Variants in ANKRD36 observed in about 807,000 individuals in gnomAD.
ANKRD36 encodes ankyrin repeat domain-containing protein 36A.
Under a neutral mutation model 278.1 loss-of-function variants are expected in ANKRD36, and 179 were observed. That is an observed-to-expected ratio of 0.64 (90% CI 0.57 to 0.73). ANKRD36 has a LOEUF of 0.73. ANKRD36 is among the 30% of genes least tolerant of loss of function. ANKRD36 has a pLI of 0.00. For missense variants in ANKRD36, 1,159 were observed against 1,956.7 expected, an observed-to-expected ratio of 0.59 and a Z score of 7.69; for synonymous variants, 320 against 641.1, an observed-to-expected ratio of 0.50 and a Z score of 7.57.
intron 38 of ANKRD36, among the ~76,000 whole-genome samples, 167 bp from the exon 39 acceptor site, chr2:97,194,559 T>G (rs2059253924): frequency 6.6e-6 from 1 of 151,624 alleles, no homozygotes; most frequent in African/African-American, 2.4e-5. Flanking sequence ...GTTCCCTTTT[T>G]TCAGGGTATT....
At chr2:97,143,092 G>A (rs1054425120) in intron 8 of ANKRD36, among the ~76,000 whole-genome samples, 4 of 151,772 alleles carry the variant, frequency 2.6e-5, no homozygotes, top group Non-Finnish European at 2.9e-5. Context: ...AACAGGCAAA[G>A]GGACAGCATA....
At chr2:97,128,269 T>A (rs7569895) in intron 6 of ANKRD36, among the ~76,000 whole-genome samples, 88,564 of 150,754 alleles carry the variant, frequency 0.59, 30,205 homozygotes, top group Non-Finnish European at 0.78. Flanking sequence ...AATGAGAAGC[T>A]ATCCTGTGAC....
intron 6 of ANKRD36, among the ~76,000 whole-genome samples, chr2:97,130,210 T>C (rs2039725625): frequency 6.6e-6 from 1 of 151,910 alleles, no homozygotes; most frequent in Non-Finnish European, 1.5e-5. Context: ...TGTCCAACAC[T>C]GATAGACTGG....
At chr2:97,195,893 T>A (rs1388533574) in intron 40 of ANKRD36, among the ~76,000 whole-genome samples, 1 of 151,922 alleles carries the variant, frequency 6.6e-6, no homozygotes, top group African/African-American at 2.4e-5. Flanking sequence ...AATTGATAAT[T>A]GATGACATTT....
rs760811355 is a variant in ANKRD36 at position 97,118,426 on chromosome 2, G to C, written c.395G>C (p.Arg132Thr). The change falls in exon 3 of 76, where the codon AGG becomes ACG. Residue 132 changes from arginine to threonine, a missense_variant. Physicochemically the swap from Arg to Thr is moderately conservative, Grantham distance 71. Coordinates refer to ENST00000420699, the MANE Select transcript of ANKRD36 (RefSeq NM_001354587.1). ...ANPNITDFFG[R>T]TALHYAVYNE... ...CCAAATATTACGGATTTCTTTGGAA[G>C]GACTGCTCTGCACTACGCTGTGTAT... is the stretch of plus-strand genomic sequence containing the variant. 6.2e-7 allele frequency: 1 copy of C among 1,607,126 alleles called. No homozygotes were observed. The highest frequency in any genetic ancestry group is 8.5e-7 in the Non-Finnish European group (1 of 1,177,640).
rs1212561002 is a variant in ANKRD36 at position 97,193,060 on chromosome 2, T to C, written c.2449+7T>C. 3.9e-6 allele frequency: 6 copies of C among 1,541,596 alleles called. No homozygotes were observed. Among genetic ancestry groups the C allele is most frequent in the East Asian group, 2.4e-5 (1 of 41,058 alleles). ...GGAGAAAAATCTAGGACAGGTAATT[T>C]TGAAAAGAGATTTAATGTCATGTTC... is the stretch of plus-strand genomic sequence containing the variant. On this transcript the variant is annotated splice_region_variant and intron_variant, in intron 38 of 75. Coordinates refer to ENST00000420699, the MANE Select transcript of ANKRD36 (RefSeq NM_001354587.1).
chr2:97,185,648 G>T (rs72947010), intron 30 of ANKRD36, 138 bp downstream of exon 30: 4 of 1,129,030 alleles, frequency 3.5e-6, no homozygotes, highest in Non-Finnish European at 5.2e-6. Flanking sequence ...TTTGTAATAA[G>T]TTCTCGGGTG....
intron 15 of ANKRD36, among the ~76,000 whole-genome samples, chr2:97,155,543 A>G (rs2047233991): frequency 6.8e-6 from 1 of 146,738 alleles, no homozygotes. Flanking sequence ...TATTAAGAGT[A>G]TACTTTAAAC....
intron 1 of ANKRD36, among the ~76,000 whole-genome samples, chr2:97,116,509 G>A (rs2153400942): frequency 6.6e-6 from 1 of 152,124 alleles, no homozygotes; most frequent in Non-Finnish European, 1.5e-5. Flanking sequence ...CCTGACCTCA[G>A]GTGATCCCCG....
intron 66 of ANKRD36, among the ~76,000 whole-genome samples, 179 bp downstream of exon 66, chr2:97,219,425 A>G (rs190257768): frequency 2.0e-5 from 3 of 152,148 alleles, no homozygotes; most frequent in Non-Finnish European, 2.9e-5. Context: ...ACATGCATAA[A>G]GAAAATATAT....
intron 75 of ANKRD36, among the ~76,000 whole-genome samples, chr2:97,261,472 C>T (rs1206832921): frequency 7.5e-6 from 1 of 133,480 alleles, no homozygotes; most frequent in South Asian, 4.0e-4. Context: ...GTGGTTAGTG[C>T]CCAAGGAACT....
chr2:97,170,342 G>A (rs2052068867), intron 22 of ANKRD36, among the ~76,000 whole-genome samples: 1 of 151,828 alleles, frequency 6.6e-6, no homozygotes, highest in Non-Finnish European at 1.5e-5. Flanking sequence ...GCATGGTACT[G>A]GTACCAAAAC....
At chr2:97,191,048 A>G in intron 35 of ANKRD36, 42 bp downstream of exon 35, 3 of 1,601,580 alleles carry the variant, frequency 1.9e-6, no homozygotes, top group Non-Finnish European at 2.6e-6. Context: ...GTAAATCTAT[A>G]GTCTATGAAA....
At chr2:97,179,232 C>T (rs1045986488) in intron 22 of ANKRD36, among the ~76,000 whole-genome samples, 1 of 151,492 alleles carries the variant, frequency 6.6e-6, no homozygotes, top group African/African-American at 2.4e-5. Flanking sequence ...AGGACACTTC[C>T]ACTGAAGAGA....
Position 97,183,540 on chromosome 2 carries a change from T to C in ANKRD36, c.1867-42T>C. 2 of 1,550,678 alleles carry C rather than the reference T, an allele frequency of 1.3e-6. 1 individual carries two copies. Among genetic ancestry groups the C allele is most frequent in the Non-Finnish European group, 1.7e-6 (2 of 1,147,954 alleles). On this transcript the variant is annotated intron_variant, in intron 27 of 75. Transcript: ENST00000420699. ...ATTATTTATTTTATAGCCTATGAAA[T>C]ATGTATTATATATTGACTATTTTGT...
At chr2:97,157,357 C>G (rs2047739459) in intron 15 of ANKRD36, among the ~76,000 whole-genome samples, 1 of 151,332 alleles carries the variant, frequency 6.6e-6, no homozygotes, top group African/African-American at 2.4e-5. Flanking sequence ...CTGGTCATGT[C>G]TCTTTTTTTG....
chr2:97,125,087 G>A (rs1267077754), intron 5 of ANKRD36, among the ~76,000 whole-genome samples: 1 of 151,444 alleles, frequency 6.6e-6, no homozygotes, highest in Admixed American at 6.6e-5. Context: ...CTACAAGTCA[G>A]AAGGAGAAGG....
At position 97,193,068 on chromosome 2, in the gene ANKRD36, A is replaced by G. The variant is rs1418873871; in HGVS notation, c.2449+15A>G. The stretch of plus-strand genomic sequence containing the variant: ...ATCTAGGACAGGTAATTTTGAAAAG[A>G]GATTTAATGTCATGTTCAGTGCAGA... On this transcript the variant is annotated intron_variant, in intron 38 of 75. Coordinates refer to ENST00000420699, the MANE Select transcript of ANKRD36 (RefSeq NM_001354587.1). 5 of 1,531,434 alleles carry G rather than the reference A, an allele frequency of 3.3e-6. 1 individual carries two copies. Among genetic ancestry groups the G allele is most frequent in the South Asian group, 2.4e-5 (2 of 83,470 alleles). 94.9% of individuals were successfully genotyped at this position (1,531,434 alleles called of 1,614,324 possible). A position where few individuals can be genotyped will look rare whatever the true frequency, so the allele number is the denominator to read the frequency against.
At chr2:97,199,400 C>T (rs368703767) in intron 44 of ANKRD36, among the ~76,000 whole-genome samples, 1 of 151,858 alleles carries the variant, frequency 6.6e-6, no homozygotes, top group South Asian at 2.1e-4. Context: ...AATTTTGCTT[C>T]CTTGTTCAAG....
Sources: gnomAD v4.1 joint callset for allele counts (sites outside exome capture counted in the v4.1 genomes callset) on GRCh38, gnomAD v4.1.1 for gene constraint, MANE v1.5 for transcripts, NCBI Gene and HGNC (gene_info 2026-07-23, HGNC 2026-07-21) for gene names.